THOC5: variants seen among roughly 807,000 people sequenced by gnomAD.
THOC5 encodes the protein THO complex subunit 5.
A neutral mutation model predicts 92.9 loss-of-function variants in THOC5; 43 were observed. The ratio of observed to expected loss-of-function variants is 0.46; its 90% confidence interval spans 0.36 to 0.60. The LOEUF (loss-of-function observed/expected upper bound fraction) is 0.60, where lower values mean the gene tolerates loss of function less well. Among genes scored for constraint, THOC5 ranks in the 20% least tolerant of loss-of-function variants. THOC5 has a pLI of 0.00. For missense variants in THOC5, 659 were observed against 849.4 expected (o/e 0.78, Z 2.79); for synonymous variants, 296 against 320.1 (o/e 0.92, Z 0.80).
chr22:29,536,894 T>C (rs1321024987), intron 6 of THOC5, among the ~76,000 whole-genome samples, 156 bp from the exon 7 acceptor site: 1 of 152,236 alleles, frequency 6.6e-6, no homozygotes, highest in Non-Finnish European at 1.5e-5. Flanking sequence ...GTGAGCTCTT[T>C]AAAAGCATAA....
Position 29,544,586 on chromosome 22 carries a change from A to G in THOC5, c.114T>C (p.Ser38=). The stretch of plus-strand genomic sequence containing the variant: ...CCCGCAGATCCACCTCGGCCTCCTC[A>G]CTGTAGTATTTACCTTCCTGTAGAG... ...SDTEQEGKYY[S]EEAEVDLRDP... is the part of the protein sequence containing the mutation. Residue 38 remains serine (S), a synonymous_variant, in exon 3 of 20, where the codon AGT becomes AGC. Coordinates refer to ENST00000490103, the MANE Select transcript of THOC5 (RefSeq NM_003678.5). 6.2e-7 allele frequency: 1 copy of G among 1,612,158 alleles called. No homozygotes were observed. Among genetic ancestry groups the G allele is most frequent in the Non-Finnish European group, 8.5e-7 (1 of 1,179,052 alleles).
At chr22:29,534,633 C>T (rs896013178) in intron 7 of THOC5, 2 of 151,202 alleles carry the variant, frequency 1.3e-5, no homozygotes, top group African/African-American at 4.9e-5. Context: ...TGCATGAGGA[C>T]CAATTGTACA....
intron 7 of THOC5, 33 bp from the exon 8 acceptor site, chr22:29,531,996 T>G: frequency 6.2e-7 from 1 of 1,610,148 alleles, no homozygotes. Context: ...TGTTCTTCCT[T>G]TTTTAGCCAG....
At chr22:29,539,247 C>T in intron 6 of THOC5, 83 bp downstream of exon 6, 1 of 1,420,018 alleles carries the variant, frequency 7.0e-7, no homozygotes, top group Non-Finnish European at 9.6e-7. Flanking sequence ...CTGAGAGTTG[C>T]ACAGTGTTTT....
intron 11 of THOC5, among the ~76,000 whole-genome samples, chr22:29,526,359 C>A (rs368529997): frequency 6.6e-6 from 1 of 151,854 alleles, no homozygotes; most frequent in African/African-American, 2.4e-5. Context: ...AGTGAAACCC[C>A]GTCTCTACTA....
At chr22:29,541,099 C>T (rs1017708612) in intron 5 of THOC5, among the ~76,000 whole-genome samples, 2 of 151,708 alleles carry the variant, frequency 1.3e-5, no homozygotes, top group Non-Finnish European at 2.9e-5. Context: ...TGCATGCAAT[C>T]GCTTGAACCC....
At chr22:29,544,680 A>T (rs1668726854) in intron 2 of THOC5, 77 bp from the exon 3 acceptor site, 2 of 1,372,540 alleles carry the variant, frequency 1.5e-6, no homozygotes, top group Non-Finnish European at 9.7e-7. Flanking sequence ...CTTGGCTGAC[A>T]TCTCCTTTTA....
chr22:29,543,800 T>C (rs1422676774), intron 3 of THOC5, among the ~76,000 whole-genome samples: 1 of 152,152 alleles, frequency 6.6e-6, no homozygotes, highest in African/African-American at 2.4e-5. Flanking sequence ...AAAGGCACAA[T>C]CTATCTCTAC....
chr22:29,538,794 CT>C (rs1327950064), intron 6 of THOC5, among the ~76,000 whole-genome samples: 1 of 90,636 alleles, frequency 1.1e-5, no homozygotes, highest in Non-Finnish European at 1.9e-5. Flanking sequence ...GAAACGCCAT[CT>C]CTTTGGAAAA....
chr22:29,534,236 T>C (rs1248508936), intron 7 of THOC5, among the ~76,000 whole-genome samples: 1 of 152,124 alleles, frequency 6.6e-6, no homozygotes, highest in Non-Finnish European at 1.5e-5. Context: ...AACTAACCTA[T>C]GATGTTAAGA....
intron 1 of THOC5, among the ~76,000 whole-genome samples, chr22:29,551,990 T>C (rs1175652833): frequency 1.3e-5 from 2 of 152,306 alleles, no homozygotes; most frequent in Admixed American, 1.3e-4. Flanking sequence ...TTTCGCTGTG[T>C]TGGCCAGGCT....
In THOC5 at chr22:29,514,799, G is replaced by A. The variant is rs554999800; in HGVS notation, c.1681+2230C>T. ...GGCTCACTGCAAGCTCGAACCTTCC[G>A]GGTTCGAGCAATTCTCCTGCCTCAG... On this transcript the variant is annotated intron_variant, in intron 17 of 19. Transcript: ENST00000490103. 3.3e-4 allele frequency among the ~76,000 whole-genome samples: 50 copies of A among 150,846 alleles called. 1 individual carries two copies. The highest frequency in any genetic ancestry group is 1.3e-3 in the Admixed American group (20 of 15,116).
intron 11 of THOC5, 54 bp downstream of exon 11, chr22:29,528,024 T>C (rs2063576798): frequency 6.4e-7 from 1 of 1,570,978 alleles, no homozygotes; most frequent in Non-Finnish European, 8.8e-7. Flanking sequence ...CACCTGCAGC[T>C]GGGTGAACTC....
At chr22:29,543,330 A>G in intron 4 of THOC5, 99 bp downstream of exon 4, 3 of 798,136 alleles carry the variant, frequency 3.8e-6, no homozygotes, top group South Asian at 1.8e-5. Context: ...CCTGGGGGAC[A>G]GAACGAGACT....
chr22:29,511,478 G>A (rs1487630899), intron 18 of THOC5, 182 bp from the exon 19 acceptor site: 2 of 602,874 alleles, frequency 3.3e-6, no homozygotes, highest in Non-Finnish European at 5.7e-6. Flanking sequence ...AAGACAATGA[G>A]GTCTTCCTGA....
rs1647736864 is a variant in THOC5 at position 29,508,148 on chromosome 22, G to T, written c.*309C>A. ...ACCTCACCCCGCAAAGCACAAATAG[G>T]GTGTGCGTAGACAAGAGGTGAGCAT... On this transcript the variant is annotated 3_prime_UTR_variant, in exon 20 of 20. Transcript: ENST00000490103. 2 of 384,908 alleles carry T rather than the reference G, an allele frequency of 5.2e-6. No homozygotes were observed. Among genetic ancestry groups the T allele is most frequent in the Non-Finnish European group, 9.5e-6 (2 of 210,592 alleles). 23.8% of individuals were successfully genotyped at this position (384,908 alleles called of 1,614,324 possible). A position where few individuals can be genotyped will look rare whatever the true frequency, so the allele number is the denominator to read the frequency against.
intron 7 of THOC5, chr22:29,535,335 A>C (rs1476654510): frequency 6.6e-6 from 1 of 152,162 alleles, no homozygotes; most frequent in Non-Finnish European, 1.5e-5. Context: ...AAGGAAAAAA[A>C]AAAAAAGTGG....
intron 10 of THOC5, 94 bp from the exon 11 acceptor site, chr22:29,528,271 C>T (rs1476436100): frequency 2.5e-6 from 4 of 1,613,858 alleles, no homozygotes; most frequent in Non-Finnish European, 3.4e-6. Context: ...TACTGCCTGG[C>T]ACCTGCTGCT....
intron 8 of THOC5, among the ~76,000 whole-genome samples, chr22:29,529,809 T>C (rs1003137964): frequency 2.0e-5 from 3 of 152,192 alleles, no homozygotes; most frequent in Non-Finnish European, 2.9e-5. Flanking sequence ...TATGTCACTG[T>C]CTGAGCCTCA....
Sources: gnomAD v4.1 joint callset for allele counts (sites outside exome capture counted in the v4.1 genomes callset) on GRCh38, gnomAD v4.1.1 for gene constraint, MANE v1.5 for transcripts, NCBI Gene and HGNC (gene_info 2026-07-23, HGNC 2026-07-21) for gene names.